PIWIL1: variants seen among roughly 807,000 people sequenced by gnomAD.
The protein encoded by PIWIL1 is piwi-like protein 1.
Under a neutral mutation model 114.4 loss-of-function variants are expected in PIWIL1, and 73 were observed. That is an observed-to-expected ratio of 0.64 (90% CI 0.53 to 0.78). The LOEUF is 0.78. Among genes scored for constraint, PIWIL1 ranks in the 30% least tolerant of loss-of-function variants. The pLI, the probability that PIWIL1 is intolerant of heterozygous loss-of-function variation, is 0.00. For missense variants in PIWIL1, 723 were observed against 1,063.1 expected (o/e 0.68, Z 4.45); for synonymous variants, 375 against 369.0 (o/e 1.02, Z -0.19).
At chr12:130,377,527 G>A (rs745617806), downstream of PIWIL1, among the ~76,000 whole-genome samples, 6 of 152,220 alleles carry the variant, frequency 3.9e-5, no homozygotes, top group African/African-American at 7.2e-5. Context: ...CCAGACAGGC[G>A]AAAAAGCAAC....
chr12:130,416,294 C>T, the PIWIL1 span, among the ~76,000 whole-genome samples: 13 of 152,082 alleles, frequency 8.5e-5, no homozygotes, highest in South Asian at 2.1e-4. Context: ...GGAACAAATC[C>T]GGAGGCATCA....
chr12:130,383,073 T>G, the PIWIL1 span, among the ~76,000 whole-genome samples: 1 of 152,238 alleles, frequency 6.6e-6, no homozygotes, highest in African/African-American at 2.4e-5. Flanking sequence ...CTGTGCAGCT[T>G]TTATATATCA....
At chr12:130,394,599 TG>T in the PIWIL1 span, among the ~76,000 whole-genome samples, 2 of 152,112 alleles carry the variant, frequency 1.3e-5, no homozygotes, top group Non-Finnish European at 2.9e-5. Context: ...ACTGCCAGAC[TG>T]CCTCTACCTC....
At chr12:130,401,595 G>C in the PIWIL1 span, among the ~76,000 whole-genome samples, 7,669 of 151,478 alleles carry the variant, frequency 0.051, 218 homozygotes, top group African/African-American at 0.056. Context: ...GACTGCCCTG[G>C]GCCTTCTCTC....
At position 130,367,115 on chromosome 12, in the gene PIWIL1, T is replaced by C. The variant is rs1355819428; in HGVS notation, c.2196-18T>C. 6.2e-7 allele frequency: 1 copy of C among 1,613,030 alleles called. No individual in the cohort carries two copies. Among genetic ancestry groups the C allele is most frequent in the Non-Finnish European group, 8.5e-7 (1 of 1,179,400 alleles). On this transcript the variant is annotated intron_variant, in intron 18 of 20. Transcript: ENST00000245255. ...ATATGACTGGCTAAATGCAGTTACA[T>C]TCATCATCATTTTTAAGCCCTAGAC...
At chr12:130,414,432 T>A in the PIWIL1 span, 1 of 912,558 alleles carries the variant, frequency 1.1e-6, no homozygotes, top group Non-Finnish European at 1.6e-6. Flanking sequence ...TTTTTGTGTC[T>A]TAACATGTAG....
At chr12:130,408,054 G>C in the PIWIL1 span, among the ~76,000 whole-genome samples, 1 of 152,144 alleles carries the variant, frequency 6.6e-6, no homozygotes, top group Non-Finnish European at 1.5e-5. Flanking sequence ...CTCCCCCTTA[G>C]ACTAACATGA....
At chr12:130,345,095 C>A (rs1333065613) in intron 3 of PIWIL1, among the ~76,000 whole-genome samples, 1 of 152,154 alleles carries the variant, frequency 6.6e-6, no homozygotes, top group Non-Finnish European at 1.5e-5. Flanking sequence ...TGTATAATTT[C>A]AGCAAATCAA....
chr12:130,361,045 G>C, intron 14 of PIWIL1, 135 bp from the exon 15 acceptor site: 1 of 704,418 alleles, frequency 1.4e-6, no homozygotes, highest in Non-Finnish European at 2.4e-6. Context: ...TAGCTGTGTG[G>C]CTGAAATGAA....
intron 3 of PIWIL1, among the ~76,000 whole-genome samples, chr12:130,344,119 G>A (rs1438549779): frequency 6.6e-6 from 1 of 152,194 alleles, no homozygotes; most frequent in Non-Finnish European, 1.5e-5. Flanking sequence ...ATCTCAAGCA[G>A]AACTGATTTC....
At chr12:130,399,579 C>T in the PIWIL1 span, 1 of 1,409,256 alleles carries the variant, frequency 7.1e-7, no homozygotes, top group African/African-American at 1.4e-5. Context: ...TGTATTTACG[C>T]TTTTCGGCCC....
the PIWIL1 span, among the ~76,000 whole-genome samples, chr12:130,411,994 GCAGAGGCTTTTTTTGAGACTA>G: frequency 6.6e-6 from 1 of 151,942 alleles, no homozygotes. Context: ...TTTAGAAAAA[GCAGAGGCTTTTTTTGAGACTA>G]CAGAGGCTTT....
chr12:130,425,083 C>T, the PIWIL1 span: 1 of 386,542 alleles, frequency 2.6e-6, no homozygotes, highest in Non-Finnish European at 4.6e-6. Flanking sequence ...AGAGCACACG[C>T]AGAGCCAGCG....
chr12:130,373,218 A>T (rs1259963761), downstream of PIWIL1, among the ~76,000 whole-genome samples: 1 of 152,236 alleles, frequency 6.6e-6, no homozygotes, highest in Non-Finnish European at 1.5e-5. Context: ...TTTCAATGGT[A>T]GAAGTTGCTT....
intron 18 of PIWIL1, among the ~76,000 whole-genome samples, chr12:130,366,801 C>G (rs1337628182): frequency 3.4e-5 from 5 of 145,464 alleles, no homozygotes; most frequent in Non-Finnish European, 6.1e-5. Context: ...AGAAAATGCC[C>G]ACTGAAGACT....
chr12:130,364,794 TC>T (rs2073609799), intron 18 of PIWIL1, among the ~76,000 whole-genome samples: 1 of 152,208 alleles, frequency 6.6e-6, no homozygotes, highest in Non-Finnish European at 1.5e-5. Context: ...ACTCTTTTTT[TC>T]CTGCGATTTA....
Position 130,349,341 on chromosome 12 carries a change from T to C in PIWIL1, c.837T>C (p.Val279=), listed in dbSNP as rs1314810677. 1 of 1,613,934 alleles carries C rather than the reference T, an allele frequency of 6.2e-7. No homozygotes were observed. The highest frequency in any genetic ancestry group is 1.1e-5 in the South Asian group (1 of 91,070). Residue 279 remains valine (V), a synonymous_variant, in exon 8 of 21, where the codon GTT becomes GTC. Transcript: ENST00000245255. ...ATAAAGTCCTTCGAAGTGAGACTGT[T>C]TTGGATTTCATGTTCAACTTTTATC... ...VSHKVLRSET[V]LDFMFNFYHQ...
intron 1 of PIWIL1, among the ~76,000 whole-genome samples, chr12:130,340,069 G>C (rs1041614007): frequency 6.6e-6 from 1 of 152,190 alleles, no homozygotes; most frequent in Admixed American, 6.5e-5. Context: ...GGAGAAAACA[G>C]GTTACCATGT....
rs533515594 is a variant in PIWIL1, at chr12:130,371,260, C to A, written c.2406C>A (p.Gly802=). ...THYNVIYDNS[G]LKPDHIQRLT... Reference sequence around the variant, plus strand: ...ACAATGTCATCTATGACAACAGCGGCCTGAAGCCAGACCACATACAGCGCT... The same window carrying A: ...ACAATGTCATCTATGACAACAGCGGACTGAAGCCAGACCACATACAGCGCT... Residue 802 remains glycine, a synonymous_variant, in exon 20 of 21, where the codon GGC becomes GGA. Coordinates refer to ENST00000245255, the MANE Select transcript of PIWIL1 (RefSeq NM_004764.5). 2.6e-4 allele frequency: 412 copies of A among 1,614,154 alleles called. 3 individuals are homozygous for A. In the South Asian group the frequency reaches 4.2e-3, roughly 16 times the overall value.
Sources: allele counts gnomAD v4.1 joint callset (sites outside exome capture counted in the v4.1 genomes callset), GRCh38; gene constraint gnomAD v4.1.1; transcripts MANE v1.5; gene names NCBI Gene and HGNC (gene_info 2026-07-23, HGNC 2026-07-21).